The following PHF20 variants were observed in gnomAD, a reference collection of about 807,000 sequenced individuals.
PHF20 encodes the protein glioma-expressed antigen 2.
A neutral mutation model predicts 113.5 loss-of-function variants in PHF20; 23 were observed. That is an observed-to-expected ratio of 0.20 (90% confidence interval 0.15 to 0.29). The LOEUF (loss-of-function observed/expected upper bound fraction) is 0.29, where lower values mean the gene tolerates loss of function less well. Among genes scored for constraint, PHF20 ranks in the 10% least tolerant of loss-of-function variants. The probability of loss-of-function intolerance (pLI) is 1.00; values close to 1 mark genes in which losing one functional copy is unlikely to be tolerated. For missense variants in PHF20, 943 were observed against 1,219.6 expected, an observed-to-expected ratio of 0.77 and a Z score of 3.38; for synonymous variants, 434 against 457.3, an observed-to-expected ratio of 0.95 and a Z score of 0.65.
intron 3 of PHF20, 45 bp from the exon 4 acceptor site, chr20:35,847,305 A>T (rs772190740): frequency 1.3e-5 from 17 of 1,337,158 alleles, no homozygotes; most frequent in Admixed American, 7.4e-5. Flanking sequence ...GTCCTGTGAA[A>T]TTAGGTTGGT....
At chr20:35,790,816 G>T in intron 1 of PHF20, among the ~76,000 whole-genome samples, 1 of 152,224 alleles carries the variant, frequency 6.6e-6, no homozygotes, top group Admixed American at 6.5e-5. Context: ...TGAGTACCTT[G>T]AATATGGTTC....
intron 17 of PHF20, among the ~76,000 whole-genome samples, chr20:35,947,233 A>G (rs975514908): frequency 3.5e-4 from 53 of 152,348 alleles, no homozygotes; most frequent in African/African-American, 1.2e-3. Context: ...ACCATTGATC[A>G]TCGCAGAAAG....
In PHF20 at chr20:35,947,780, G is replaced by A; in HGVS notation, c.*153G>A. 1.3e-6 allele frequency: 1 copy of A among 784,224 alleles called. No homozygotes were observed. The highest frequency in any genetic ancestry group is 2.0e-6 in the Non-Finnish European group (1 of 506,144). The allele number at this position is 784,224 out of a possible 1,614,324, so 48.6% of individuals were successfully genotyped here. Reference sequence around the variant, plus strand: ...AGGAGTGTGGTGGACATTGGACAAAGAGGCCATTTTGGCTGCGGGAGGACA... The same window carrying A: ...AGGAGTGTGGTGGACATTGGACAAAAAGGCCATTTTGGCTGCGGGAGGACA... On this transcript the variant is annotated 3_prime_UTR_variant, in exon 18 of 18. Coordinates refer to ENST00000374012, the MANE Select transcript of PHF20 (RefSeq NM_016436.5).
chr20:35,875,669 T>C (rs1025393125), intron 9 of PHF20, among the ~76,000 whole-genome samples: 1 of 152,218 alleles, frequency 6.6e-6, no homozygotes, highest in African/African-American at 2.4e-5. Context: ...TTTAGTTGTC[T>C]GTCTTGGCAG....
chr20:35,889,301 A>G (rs925587861), intron 9 of PHF20, among the ~76,000 whole-genome samples: 1 of 151,916 alleles, frequency 6.6e-6, no homozygotes, highest in Admixed American at 6.6e-5. Context: ...GGCGTGAGCC[A>G]CCGTGCCTGG....
chr20:35,780,221 C>CTTTTTTTTTTTT (rs930285446), intron 1 of PHF20, among the ~76,000 whole-genome samples: 1 of 123,270 alleles, frequency 8.1e-6, no homozygotes, highest in Non-Finnish European at 1.7e-5. Flanking sequence ...CCCCAGATTT[C>CTTTTTTTTTTTT]TTTTTTTTTT....
chr20:35,907,721 A>G (rs374259438), intron 10 of PHF20, among the ~76,000 whole-genome samples: 8 of 152,330 alleles, frequency 5.3e-5, no homozygotes, highest in African/African-American at 1.4e-4. Context: ...TATGATTTCA[A>G]TGATTTGAAT....
Position 35,785,480 on chromosome 20 carries a change from G to A in PHF20, c.-33+13401G>A, listed in dbSNP as rs540852037. Among the ~76,000 whole-genome samples, 9 of 151,558 alleles carry A rather than the reference G, an allele frequency of 5.9e-5. No individual in the cohort carries two copies. The South Asian group carries it at 6.3e-4, about 11-fold the overall frequency. ...TGCTACGGGCTCCTACCACCATGCC[G>A]GGCTAATTTTTATATTTTTAGTAGA... is the stretch of plus-strand genomic sequence containing the variant. On this transcript the variant is annotated intron_variant, in intron 1 of 17. Transcript: ENST00000374012.
intron 1 of PHF20, among the ~76,000 whole-genome samples, chr20:35,790,188 T>G (rs920657889): frequency 2.6e-5 from 4 of 151,520 alleles, no homozygotes; most frequent in African/African-American, 9.7e-5. Context: ...GCTTATTGTG[T>G]GCCAGGCTCT....
rs201020039 is a variant in PHF20, at chr20:35,871,773, T to C, written c.1226T>C (p.Met409Thr). ...TGCCCATCAATGGGAGAAAACACGA[T>C]GAAAACAGAACCGACTTCTCCCCTT... ...LNCPSMGENT[M>T]KTEPTSPLVE... The change falls in exon 9 of 18, where the codon ATG becomes ACG. Residue 409 changes from methionine (M) to threonine (T), a missense_variant. Met to Thr is a moderately conservative substitution (Grantham distance 81). Coordinates refer to ENST00000374012, the MANE Select transcript of PHF20 (RefSeq NM_016436.5). 7.7e-5 allele frequency: 125 copies of C among 1,613,594 alleles called. No individual in the cohort carries two copies. The highest frequency in any genetic ancestry group is 1.0e-4 in the Non-Finnish European group (118 of 1,179,692).
chr20:35,783,924 G>T (rs2041353757), intron 1 of PHF20, among the ~76,000 whole-genome samples: 1 of 152,010 alleles, frequency 6.6e-6, no homozygotes, highest in South Asian at 2.1e-4. Context: ...GGCGGAGGTT[G>T]TGGTGAGCCG....
At chr20:35,816,288 A>G (rs1438945280) in intron 2 of PHF20, among the ~76,000 whole-genome samples, 1 of 151,794 alleles carries the variant, frequency 6.6e-6, no homozygotes, top group Non-Finnish European at 1.5e-5. Context: ...ACTTTAACCT[A>G]CTTGCCTTAT....
intron 4 of PHF20, chr20:35,855,094 A>G (rs971142337): frequency 2.0e-5 from 4 of 202,352 alleles, no homozygotes; most frequent in South Asian, 6.1e-5. Flanking sequence ...GTTGGCACAC[A>G]TAATATTTAA....
chr20:35,815,349 G>T (rs1215409499), intron 2 of PHF20, among the ~76,000 whole-genome samples: 1 of 152,086 alleles, frequency 6.6e-6, no homozygotes, highest in African/African-American at 2.4e-5. Context: ...AGGCTGAGGT[G>T]GGCAGATCAC....
At chr20:35,848,473 C>T (rs1254143767) in intron 4 of PHF20, among the ~76,000 whole-genome samples, 1 of 152,004 alleles carries the variant, frequency 6.6e-6, no homozygotes, top group African/African-American at 2.4e-5. Context: ...CTATGTTGGC[C>T]AGGCTGGTCT....
intron 1 of PHF20, among the ~76,000 whole-genome samples, chr20:35,798,837 C>T (rs536465645): frequency 3.9e-5 from 6 of 152,062 alleles, no homozygotes; most frequent in African/African-American, 1.2e-4. Context: ...TCATAACTCA[C>T]TGCAGTCTCA....
In PHF20 at chr20:35,947,851, G is replaced by A. The variant is rs554263770; in HGVS notation, c.*224G>A. The A allele has an allele frequency of 1.3e-4, 68 of 520,802 alleles. No homozygotes were observed. In the South Asian group the frequency reaches 1.4e-3, roughly 11 times the overall value. 32.3% of individuals were successfully genotyped at this position (520,802 alleles called of 1,614,324 possible). ...ATAAAGGTAGCAAATAGACTCTTGG[G>A]ATTCCCCTCTTCTGTGCACATCGTT... On this transcript the variant is annotated 3_prime_UTR_variant, in exon 18 of 18. Transcript: ENST00000374012.
At chr20:35,790,782 T>C (rs1348943266) in intron 1 of PHF20, among the ~76,000 whole-genome samples, 5 of 152,180 alleles carry the variant, frequency 3.3e-5, no homozygotes, top group Non-Finnish European at 5.9e-5. Flanking sequence ...AATGGCTAAC[T>C]CACTAATGGC....
intron 2 of PHF20, among the ~76,000 whole-genome samples, chr20:35,812,642 C>T (rs1023860468): frequency 1.3e-5 from 2 of 152,042 alleles, no homozygotes; most frequent in Non-Finnish European, 2.9e-5. Flanking sequence ...GTGGTAATGC[C>T]GTGTGTTTCA....
Sources: gnomAD v4.1 joint callset for allele counts (sites outside exome capture counted in the v4.1 genomes callset) on GRCh38, gnomAD v4.1.1 for gene constraint, MANE v1.5 for transcripts, NCBI Gene and HGNC (gene_info 2026-07-23, HGNC 2026-07-21) for gene names.